PLEKHH2: variants seen among roughly 807,000 people sequenced by gnomAD.
PLEKHH2 encodes pleckstrin homology, MyTH4 and FERM domain containing H2, also known as pleckstrin homology domain-containing family H member 2.
Under a neutral mutation model 187.9 loss-of-function variants are expected in PLEKHH2, and 129 were observed. That is an observed-to-expected ratio of 0.69 (90% CI 0.59 to 0.79). PLEKHH2 has a LOEUF of 0.79. Ranked by LOEUF, PLEKHH2 falls within the 30% of genes least tolerant of loss-of-function variation. The pLI, the probability that PLEKHH2 is intolerant of heterozygous loss-of-function variation, is 0.00. For synonymous variants in PLEKHH2, 686 were observed against 605.6 expected, an observed-to-expected ratio of 1.13 and a Z score of -1.95; for missense variants, 2,076 against 1,751.2, an observed-to-expected ratio of 1.19 and a Z score of -3.31.
At chr2:43,734,513 T>C (rs1052068094) in intron 19 of PLEKHH2, among the ~76,000 whole-genome samples, 3 of 152,218 alleles carry the variant, frequency 2.0e-5, no homozygotes, top group African/African-American at 7.2e-5. Context: ...TAAGCATCGC[T>C]AATCATCAGG....
chr2:43,693,488 G>T (rs1668924345), intron 4 of PLEKHH2, among the ~76,000 whole-genome samples: 1 of 152,106 alleles, frequency 6.6e-6, no homozygotes, highest in South Asian at 2.1e-4. Flanking sequence ...CACTTTGGGA[G>T]GCCAAGGCAG....
At chr2:43,749,618 A>T (rs1671926871) in intron 24 of PLEKHH2, among the ~76,000 whole-genome samples, 1 of 152,254 alleles carries the variant, frequency 6.6e-6, no homozygotes, top group African/African-American at 2.4e-5. Flanking sequence ...CAGGAAAAAA[A>T]TTAACTCAAC....
chr2:43,707,657 C>G lies in PLEKHH2; in HGVS notation c.1966+112C>G, dbSNP rs1003161058. The G allele has an allele frequency of 2.3e-6, 3 of 1,297,158 alleles. No individual in the cohort carries two copies. The African/African-American group carries it at 4.5e-5, about 19-fold the overall frequency. The allele number at this position is 1,297,158 out of a possible 1,614,324, so 80.4% of individuals were successfully genotyped here. On this transcript the variant is annotated intron_variant, in intron 11 of 29. Transcript: ENST00000282406. ...TTAAATCCAAGAACTTGCTTCAGACCCTAGTGAAAAGAACTTTAGCCTATG... is the reference window on the plus strand; with the variant it reads ...TTAAATCCAAGAACTTGCTTCAGACGCTAGTGAAAAGAACTTTAGCCTATG...
intron 2 of PLEKHH2, among the ~76,000 whole-genome samples, chr2:43,670,606 G>C (rs1212794795): frequency 2.1e-5 from 3 of 145,678 alleles, no homozygotes; most frequent in African/African-American, 7.6e-5. Context: ...TTGATGTCAG[G>C]TATTGTGAAT....
intron 16 of PLEKHH2, among the ~76,000 whole-genome samples, chr2:43,722,852 G>A (rs1035613235): frequency 2.0e-5 from 3 of 152,130 alleles, no homozygotes; most frequent in Admixed American, 1.3e-4. Context: ...AAACAAGTCA[G>A]AAGAATGGAT....
intron 2 of PLEKHH2, among the ~76,000 whole-genome samples, chr2:43,677,278 G>A (rs1667862364): frequency 6.6e-6 from 1 of 151,878 alleles, no homozygotes; most frequent in Non-Finnish European, 1.5e-5. Flanking sequence ...GGACAATAGT[G>A]GAGGGAAGGT....
intron 2 of PLEKHH2, among the ~76,000 whole-genome samples, chr2:43,655,729 G>A (rs1666722513): frequency 6.6e-6 from 1 of 152,080 alleles, no homozygotes; most frequent in Non-Finnish European, 1.5e-5. Context: ...TCTCACTTGG[G>A]GTAGGATGAT....
chr2:43,637,803 A>G (rs1703185963), intron 1 of PLEKHH2, among the ~76,000 whole-genome samples: 1 of 152,196 alleles, frequency 6.6e-6, no homozygotes. Flanking sequence ...GAGATCCACC[A>G]GGATCTCCGG....
At chr2:43,715,857 GA>G (rs1670185947) in intron 15 of PLEKHH2, among the ~76,000 whole-genome samples, 1 of 152,136 alleles carries the variant, frequency 6.6e-6, no homozygotes, top group Non-Finnish European at 1.5e-5. Context: ...GGATTGGAGA[GA>G]AGGATTCGAG....
intron 23 of PLEKHH2, among the ~76,000 whole-genome samples, chr2:43,745,208 C>T (rs1030129985): frequency 1.5e-4 from 23 of 151,864 alleles, no homozygotes; most frequent in African/African-American, 2.2e-4. Flanking sequence ...CTCAGCTACT[C>T]GGGAGACTGA....
chr2:43,637,811 C>T (rs971633181), intron 1 of PLEKHH2, among the ~76,000 whole-genome samples: 5 of 152,284 alleles, frequency 3.3e-5, no homozygotes, highest in Admixed American at 6.5e-5. Flanking sequence ...CCAGGATCTC[C>T]GGGGCGAAAC....
At chr2:43,748,777 A>T (rs1488567203) in intron 24 of PLEKHH2, among the ~76,000 whole-genome samples, 21 of 149,236 alleles carry the variant, frequency 1.4e-4, no homozygotes, top group Non-Finnish European at 2.4e-4. Context: ...TTTTTTTGAG[A>T]CAGAACTTCA....
At chr2:43,680,410 T>C (rs1361794983) in intron 3 of PLEKHH2, 1 of 156,162 alleles carries the variant, frequency 6.4e-6, no homozygotes, top group Admixed American at 6.5e-5. Context: ...ACAATTATTA[T>C]GTATCAACTA....
intron 2 of PLEKHH2, among the ~76,000 whole-genome samples, chr2:43,655,964 A>ATT (rs10646252): frequency 0.34 from 50,251 of 148,544 alleles, 8,709 homozygotes; most frequent in Non-Finnish European, 0.39. Flanking sequence ...TATCTTAGTG[A>ATT]TTTTTTTTTT....
chr2:43,700,582 C>G lies in PLEKHH2; in HGVS notation c.1624C>G (p.Pro542Ala). The change falls in exon 8 of 30, where the codon CCT (proline) becomes GCT (alanine). Residue 542 changes from proline (P) to alanine (A), a missense_variant. Coordinates refer to ENST00000282406, the MANE Select transcript of PLEKHH2 (RefSeq NM_172069.4). Reference protein sequence around the residue: ...KKVAYSKPPTPPLHRFPSWES... With the variant: ...KKVAYSKPPTAPLHRFPSWES... The stretch of plus-strand genomic sequence containing the variant: ...GGTGGCATACAGCAAACCTCCAACT[C>G]CTCCCCTGCACCGTTTTCCTTCTTG... 1 of 1,611,334 alleles carries G rather than the reference C, an allele frequency of 6.2e-7. No individual in the cohort carries two copies. The highest frequency in any genetic ancestry group is 8.5e-7 in the Non-Finnish European group (1 of 1,179,624).
chr2:43,755,179 A>G (rs1672166766), intron 25 of PLEKHH2, among the ~76,000 whole-genome samples: 1 of 152,190 alleles, frequency 6.6e-6, no homozygotes. Flanking sequence ...AGCCAAAATC[A>G]GCATATTGAA....
At position 43,720,689 on chromosome 2, in the gene PLEKHH2, G is replaced by C; in HGVS notation, c.2481G>C (p.Lys827Asn). The C allele has an allele frequency of 6.2e-7, 1 of 1,610,190 alleles. No homozygotes were observed. The highest frequency in any genetic ancestry group is 8.5e-7 in the Non-Finnish European group (1 of 1,178,750). The change falls in exon 16 of 30, where the codon AAG (lysine) becomes AAC (asparagine). Residue 827 changes from lysine to asparagine, a missense_variant. Physicochemically the swap from Lys to Asn is moderately conservative, Grantham distance 94. Coordinates refer to ENST00000282406, the MANE Select transcript of PLEKHH2 (RefSeq NM_172069.4). ...TTCAGGTAAAACATGGATATTCCAA[G>C]AGAGTCTGGTGTACACTAATAGGAA... ...LLTKVKHGYS[K>N]RVWCTLIGKT...
Position 43,708,810 on chromosome 2 carries a change from T to C in PLEKHH2, c.1967-1180T>C, listed in dbSNP as rs902092558. Reference sequence around the variant, plus strand: ...ATCCTTTAATCTCTGGGCCTTAGTCTCCTTGGGCCTTAGCCATGACAATCA... The same window carrying C: ...ATCCTTTAATCTCTGGGCCTTAGTCCCCTTGGGCCTTAGCCATGACAATCA... On this transcript the variant is annotated intron_variant, in intron 11 of 29. Coordinates refer to ENST00000282406, the MANE Select transcript of PLEKHH2 (RefSeq NM_172069.4). 4.4e-4 allele frequency among the ~76,000 whole-genome samples: 67 copies of C among 152,304 alleles called. 1 individual carries two copies. Among genetic ancestry groups the C allele is most frequent in the African/African-American group, 1.4e-3 (58 of 41,566 alleles).
rs1008440189 is a variant in PLEKHH2, at chr2:43,767,485, G to C, written c.*1887G>C. ...ATCTTTTGAGCCACAGTCGCCCATC[G>C]AATAAGCAAATTTGTTTTTGAGAAT... On this transcript the variant is annotated 3_prime_UTR_variant, in exon 30 of 30. Transcript: ENST00000282406. 1 of 152,254 alleles carries C rather than the reference G, an allele frequency of 6.6e-6. No homozygotes were observed. Among genetic ancestry groups the C allele is most frequent in the African/African-American group, 2.4e-5 (1 of 41,416 alleles). 9.4% of individuals were successfully genotyped at this position (152,254 alleles called of 1,614,324 possible). A position where few individuals can be genotyped will look rare whatever the true frequency, so the allele number is the denominator to read the frequency against.
Sources: allele counts gnomAD v4.1 joint callset (sites outside exome capture counted in the v4.1 genomes callset), GRCh38; gene constraint gnomAD v4.1.1; transcripts MANE v1.5; gene names NCBI Gene and HGNC (gene_info 2026-07-23, HGNC 2026-07-21).